CEP112: variants seen among roughly 807,000 people sequenced by gnomAD.
CEP112 encodes centrosomal protein 112.
Under a neutral mutation model 153.0 loss-of-function variants are expected in CEP112, and 127 were observed. That is an observed-to-expected ratio of 0.83 (90% confidence interval 0.72 to 0.96). The LOEUF (loss-of-function observed/expected upper bound fraction) is 0.96, where lower values mean the gene tolerates loss of function less well. Ranked by LOEUF, CEP112 falls within the 40% of genes least tolerant of loss-of-function variation. The pLI is 0.00. For missense variants in CEP112, 1,089 were observed against 1,101.2 expected (o/e 0.99, Z 0.16); for synonymous variants, 358 against 374.4 (o/e 0.96, Z 0.51).
At chr17:65,671,476 G>A (rs558622102) in intron 24 of CEP112, among the ~76,000 whole-genome samples, 13 of 152,202 alleles carry the variant, frequency 8.5e-5, no homozygotes, top group Non-Finnish European at 1.6e-4. Flanking sequence ...AGGACTTGGA[G>A]GCTTTCTGTC....
At chr17:65,879,793 A>G (rs546457644) in intron 20 of CEP112, among the ~76,000 whole-genome samples, 3 of 151,918 alleles carry the variant, frequency 2.0e-5, no homozygotes, top group Admixed American at 2.0e-4. Context: ...TCCAGCACAT[A>G]AGGGAAAGCA....
chr17:65,790,360 A>G (rs1343761712), intron 21 of CEP112, among the ~76,000 whole-genome samples: 1 of 152,138 alleles, frequency 6.6e-6, no homozygotes, highest in African/African-American at 2.4e-5. Flanking sequence ...AGCCTGGGGA[A>G]TAAGGAAAAA....
At chr17:65,804,364 A>G (rs988489811) in intron 21 of CEP112, 1 of 152,158 alleles carries the variant, frequency 6.6e-6, no homozygotes, top group Non-Finnish European at 1.5e-5. Context: ...ATCCATTTCA[A>G]ATGTAGATGA....
chr17:65,793,371 G>T (rs1363757951), intron 21 of CEP112, among the ~76,000 whole-genome samples: 1 of 152,144 alleles, frequency 6.6e-6, no homozygotes, highest in Non-Finnish European at 1.5e-5. Flanking sequence ...GCATCAGGAA[G>T]AACAGCTAAT....
intron 18 of CEP112, among the ~76,000 whole-genome samples, chr17:65,931,399 G>A (rs1319317411): frequency 6.6e-6 from 1 of 152,212 alleles, no homozygotes; most frequent in African/African-American, 2.4e-5. Context: ...CCACCATAGT[G>A]CCACACAGAG....
chr17:65,951,062 A>C (rs2061811918), intron 18 of CEP112, among the ~76,000 whole-genome samples: 1 of 152,138 alleles, frequency 6.6e-6, no homozygotes. Flanking sequence ...ATGTTAAAAC[A>C]ATCTTGGATT....
intron 4 of CEP112, among the ~76,000 whole-genome samples, chr17:66,158,598 C>T (rs908161988): frequency 5.9e-5 from 9 of 151,646 alleles, no homozygotes; most frequent in Non-Finnish European, 1.0e-4. Context: ...GATGACAGAG[C>T]GAGACTCCAT....
chr17:66,184,678 A>G (rs550995282), intron 1 of CEP112, among the ~76,000 whole-genome samples: 59 of 152,322 alleles, frequency 3.9e-4, no homozygotes, highest in African/African-American at 1.3e-3. Context: ...ACTCTGGAAA[A>G]CAGTTTGGCA....
chr17:65,732,495 G>A (rs1285633036), intron 23 of CEP112, among the ~76,000 whole-genome samples: 1 of 152,210 alleles, frequency 6.6e-6, no homozygotes, highest in African/African-American at 2.4e-5. Context: ...CCTTGAACAA[G>A]AGAGTTAGCC....
chr17:65,849,815 C>G (rs2057861185), intron 21 of CEP112, among the ~76,000 whole-genome samples: 1 of 152,160 alleles, frequency 6.6e-6, no homozygotes, highest in African/African-American at 2.4e-5. Flanking sequence ...TTCCATCAGT[C>G]TCTCTTTTAT....
At chr17:65,658,515 G>C (rs1330406324) in intron 24 of CEP112, among the ~76,000 whole-genome samples, 3 of 152,216 alleles carry the variant, frequency 2.0e-5, no homozygotes, top group Non-Finnish European at 2.9e-5. Context: ...CAAGGCAATG[G>C]GTACAGTACA....
chr17:66,054,556 A>T (rs1409763512), intron 11 of CEP112, among the ~76,000 whole-genome samples: 1 of 152,224 alleles, frequency 6.6e-6, no homozygotes, highest in East Asian at 1.9e-4. Context: ...AGGCAAATAC[A>T]GGAGGTCCAG....
At chr17:66,158,472 C>A (rs149463428) in intron 4 of CEP112, among the ~76,000 whole-genome samples, 1 of 151,866 alleles carries the variant, frequency 6.6e-6, no homozygotes, top group Non-Finnish European at 1.5e-5. Context: ...ATGAGCCGGG[C>A]GTGGTGGTGG....
intron 19 of CEP112, 26 bp from the exon 20 acceptor site, chr17:65,902,360 T>G: frequency 6.3e-7 from 1 of 1,585,196 alleles, no homozygotes; most frequent in Non-Finnish European, 8.6e-7. Flanking sequence ...GGAGGACAGT[T>G]CATCAACAGA....
rs146653185 is a variant in CEP112 at position 65,911,594 on chromosome 17, C to T, written c.1981-9260G>A. 1.3e-3 allele frequency among the ~76,000 whole-genome samples: 194 copies of T among 151,940 alleles called. 4 individuals are homozygous for T. In the East Asian group the frequency reaches 0.036, roughly 28 times the overall value. ...CTGTTATCTCAACACTTTGGGAGGC[C>T]GAGGTGAGATGATCACTTGAGCCCA... On this transcript the variant is annotated intron_variant, in intron 19 of 26. Transcript: ENST00000535342.
intron 21 of CEP112, among the ~76,000 whole-genome samples, chr17:65,767,998 G>A (rs1471814792): frequency 6.6e-6 from 1 of 151,968 alleles, no homozygotes; most frequent in Admixed American, 6.6e-5. Flanking sequence ...AAAAAGAGCT[G>A]GATAATACAG....
At position 66,128,302 on chromosome 17, in the gene CEP112, C is replaced by CAAA. The variant is rs33978059; in HGVS notation, c.642+1441_642+1443dup. Among the ~76,000 whole-genome samples, 528 of 72,956 alleles carry CAAA rather than the reference C, an allele frequency of 7.2e-3. 16 individuals carry two copies. Among genetic ancestry groups the CAAA allele is most frequent in the South Asian group, 0.01 (14 of 1,338 alleles). The allele number at this position is 72,956 out of a possible 152,430, so 47.9% of individuals were successfully genotyped here. ...TGTGCGACACAGCAAGATTCTGTCT[C>CAAA]AAAAAAAAAAAAAAAAAAAAGACAG... On this transcript the variant is annotated intron_variant, in intron 6 of 26. Coordinates refer to ENST00000535342, the MANE Select transcript of CEP112 (RefSeq NM_001199165.4).
intron 12 of CEP112, among the ~76,000 whole-genome samples, chr17:66,035,668 C>T (rs1396078085): frequency 9.9e-5 from 15 of 152,112 alleles, no homozygotes; most frequent in Admixed American, 9.2e-4. Context: ...TTCACTATAG[C>T]CAAGATGTAT....
intron 24 of CEP112, among the ~76,000 whole-genome samples, chr17:65,685,237 C>A (rs1264937776): frequency 1.3e-5 from 2 of 152,146 alleles, no homozygotes; most frequent in Non-Finnish European, 2.9e-5. Context: ...TGAGAAGCAG[C>A]TTTTGGTTTT....
Sources: gnomAD v4.1 joint callset for allele counts (sites outside exome capture counted in the v4.1 genomes callset) on GRCh38, gnomAD v4.1.1 for gene constraint, MANE v1.5 for transcripts, NCBI Gene and HGNC (gene_info 2026-07-23, HGNC 2026-07-21) for gene names.